RNF217: variants seen among roughly 807,000 people sequenced by gnomAD.
The protein encoded by RNF217 is E3 ubiquitin-protein ligase RNF217.
RNF217 carries 31 observed loss-of-function variants against 57.8 expected under a neutral mutation model. That is an observed-to-expected ratio of 0.54 (90% confidence interval 0.40 to 0.72). RNF217 has a LOEUF of 0.72. Among genes scored for constraint, RNF217 ranks in the 30% least tolerant of loss-of-function variants. The pLI, the probability that RNF217 is intolerant of heterozygous loss-of-function variation, is 0.00. For synonymous variants in RNF217, 313 were observed against 294.0 expected, an observed-to-expected ratio of 1.06 and a Z score of -0.66; for missense variants, 696 against 708.3, an observed-to-expected ratio of 0.98 and a Z score of 0.20.
chr6:125,081,054 C>T (rs1208129325), intron 4 of RNF217, among the ~76,000 whole-genome samples: 1 of 152,050 alleles, frequency 6.6e-6, no homozygotes, highest in Non-Finnish European at 1.5e-5. Context: ...AGATTTTCTC[C>T]TACCAACTCA....
At chr6:124,982,819 A>G (rs750723569) in intron 1 of RNF217, among the ~76,000 whole-genome samples, 18 of 152,220 alleles carry the variant, frequency 1.2e-4, no homozygotes, top group Non-Finnish European at 1.8e-4. Context: ...TGATGACTTT[A>G]TGGTATGTGA....
At chr6:124,993,002 G>T (rs893775894) in intron 1 of RNF217, among the ~76,000 whole-genome samples, 3 of 152,104 alleles carry the variant, frequency 2.0e-5, no homozygotes, top group African/African-American at 7.2e-5. Flanking sequence ...TATAGACTGA[G>T]AAACAACTGT....
intron 1 of RNF217, among the ~76,000 whole-genome samples, chr6:124,998,565 C>T (rs905548764): frequency 2.0e-5 from 3 of 152,242 alleles, no homozygotes; most frequent in Middle Eastern, 3.4e-3. Context: ...TTTGGGAGGC[C>T]AAGGTGGGCG....
chr6:125,071,532 G>C (rs62433883), intron 3 of RNF217, among the ~76,000 whole-genome samples: 1 of 134,244 alleles, frequency 7.4e-6, no homozygotes, highest in Non-Finnish European at 1.6e-5. Context: ...GTGTGTGTGT[G>C]TGTGTATATC....
chr6:125,010,131 A>T (rs1785362570), intron 1 of RNF217, among the ~76,000 whole-genome samples: 1 of 151,594 alleles, frequency 6.6e-6, no homozygotes, highest in Admixed American at 6.6e-5. Context: ...GATCCATTTC[A>T]TGTAACTGAA....
chr6:125,066,404 C>T (rs529332712), intron 3 of RNF217, among the ~76,000 whole-genome samples: 83 of 152,280 alleles, frequency 5.5e-4, no homozygotes, highest in African/African-American at 1.9e-3. Flanking sequence ...ATCTTTCCTT[C>T]CTTCACCCTG....
At chr6:125,066,385 T>A (rs1787939294) in intron 3 of RNF217, among the ~76,000 whole-genome samples, 1 of 152,152 alleles carries the variant, frequency 6.6e-6, no homozygotes, top group Non-Finnish European at 1.5e-5. Flanking sequence ...CTGTGACTCC[T>A]CTAGTCATAT....
chr6:125,083,047 C>A lies in RNF217; in HGVS notation c.*110C>A. 1 of 676,574 alleles carries A rather than the reference C, an allele frequency of 1.5e-6. No homozygotes were observed. 41.9% of individuals were successfully genotyped at this position (676,574 alleles called of 1,614,324 possible). ...AACACTGAGAGGAACCTTCTACCAT[C>A]TCATCTCCCAGTGATTCTCCGTGGG... On this transcript the variant is annotated 3_prime_UTR_variant, in exon 6 of 6. Transcript: ENST00000521654.
At position 125,089,251 on chromosome 6, in the gene RNF217, C is replaced by A. The variant is rs556441723; in HGVS notation, c.*6314C>A. On this transcript the variant is annotated 3_prime_UTR_variant, in exon 6 of 6. Coordinates refer to ENST00000521654, the MANE Select transcript of RNF217 (RefSeq NM_001286398.3). ...GTCTAAAACCAAGCTTCAGAAATTG[C>A]TTCGTGACTGTTGTAAGATCAATAT... The A allele has an allele frequency of 4.6e-5, 7 of 152,144 alleles. No individual in the cohort carries two copies. The highest frequency in any genetic ancestry group is 8.8e-5 in the Non-Finnish European group (6 of 68,018). The allele number at this position is 152,144 out of a possible 1,614,324, so 9.4% of individuals were successfully genotyped here.
chr6:125,036,723 CAAAA>C (rs1786638504), intron 1 of RNF217, among the ~76,000 whole-genome samples: 1 of 151,888 alleles, frequency 6.6e-6, no homozygotes, highest in Non-Finnish European at 1.5e-5. Context: ...AGACACTTCT[CAAAA>C]GAAAACATTT....
rs546884964 is a variant in RNF217, at chr6:125,047,342, G to A, written c.1116+1898G>A. Among the ~76,000 whole-genome samples the A allele has an allele frequency of 2.1e-4, 32 of 152,072 alleles. 1 individual carries two copies. The South Asian group carries it at 2.7e-3, about 13-fold the overall frequency. On this transcript the variant is annotated intron_variant, in intron 2 of 5. Transcript: ENST00000521654. ...TTATGGCAATAGTGAAATGTTTTAC[G>A]TCTCATTTCATCTGAAATCACCAAA... is the stretch of plus-strand genomic sequence containing the variant.
In RNF217 at chr6:125,047,279, T is replaced by C. The variant is rs530130492; in HGVS notation, c.1116+1835T>C. On this transcript the variant is annotated intron_variant, in intron 2 of 5. Transcript: ENST00000521654. ...TGAGTAACTTTTAAATGTGTTGTTT[T>C]TATGAAATGGGTAAAGGAGTTATAA... 1.2e-3 allele frequency among the ~76,000 whole-genome samples: 187 copies of C among 152,202 alleles called. 1 individual carries two copies. The highest frequency in any genetic ancestry group is 2.3e-3 in the South Asian group (11 of 4,820).
chr6:125,087,984 C>T lies in RNF217; in HGVS notation c.*5047C>T, dbSNP rs1189550372. 6.7e-6 allele frequency: 1 copy of T among 149,434 alleles called. No homozygotes were observed. The highest frequency in any genetic ancestry group is 1.9e-4 in the East Asian group (1 of 5,164). The allele number at this position is 149,434 out of a possible 1,614,324, so 9.3% of individuals were successfully genotyped here. A position where few individuals can be genotyped will look rare whatever the true frequency, so the allele number is the denominator to read the frequency against. On this transcript the variant is annotated 3_prime_UTR_variant, in exon 6 of 6. Transcript: ENST00000521654. The stretch of plus-strand genomic sequence containing the variant: ...GTTATAATTTAATTATGATACTGTC[C>T]CCCTAATATGGAAAATAAGTTACAA...
Position 125,045,294 on chromosome 6 carries a change from A to G in RNF217, c.966A>G (p.Leu322=), listed in dbSNP as rs758643139. ...AAGAAACAACTGTTGTCTATAACTT[A>G]ACGCATGAAGACTCCATCAAGTATA... ...FLEETTVVYN[L]THEDSIKYKY... The change falls in exon 2 of 6, where the codon TTA becomes TTG. Residue 322 remains leucine, a synonymous_variant. Transcript: ENST00000521654. The G allele has an allele frequency of 2.5e-6, 4 of 1,613,312 alleles. No individual in the cohort carries two copies. In the East Asian group the frequency reaches 8.9e-5, roughly 36 times the overall value.
At chr6:125,007,038 A>G (rs1326961725) in intron 1 of RNF217, among the ~76,000 whole-genome samples, 1 of 152,260 alleles carries the variant, frequency 6.6e-6, no homozygotes, top group African/African-American at 2.4e-5. Flanking sequence ...ATTATTAAGT[A>G]TGTAAATAAA....
intron 1 of RNF217, among the ~76,000 whole-genome samples, chr6:125,007,156 C>T (rs1274513613): frequency 2.0e-5 from 3 of 151,950 alleles, no homozygotes; most frequent in African/African-American, 7.3e-5. Context: ...AATGAATGTG[C>T]TTCTTATCTA....
intron 1 of RNF217, among the ~76,000 whole-genome samples, chr6:125,030,576 G>A (rs1786311337): frequency 6.6e-6 from 1 of 152,182 alleles, no homozygotes; most frequent in Non-Finnish European, 1.5e-5. Flanking sequence ...AATCCAGTAG[G>A]GCAGTCCAAT....
chr6:125,035,099 A>T lies in RNF217; in HGVS notation c.883-10112A>T, dbSNP rs544064326. 4.3e-3 allele frequency among the ~76,000 whole-genome samples: 651 copies of T among 152,200 alleles called. 9 individuals carry two copies. The highest frequency in any genetic ancestry group is 0.013 in the African/African-American group (537 of 41,502). Reference sequence around the variant, plus strand: ...TTATCAGCTTAAGGAGATTTTGGGCAGAGACAATGGGGTTTTCTAGATATA... The same window carrying T: ...TTATCAGCTTAAGGAGATTTTGGGCTGAGACAATGGGGTTTTCTAGATATA... On this transcript the variant is annotated intron_variant, in intron 1 of 5. Transcript: ENST00000521654.
In RNF217 at chr6:125,069,287, T is replaced by C. The variant is rs114449532; in HGVS notation, c.1282-7370T>C. On this transcript the variant is annotated intron_variant, in intron 3 of 5. Transcript: ENST00000521654. ...TAATTTTGAAATCAGCATCTATTTA[T>C]TTTTGCAGCATAGTCTACTGTGATA... is the stretch of plus-strand genomic sequence containing the variant. Among the ~76,000 whole-genome samples the C allele has an allele frequency of 2.8e-3, 421 of 152,270 alleles. 3 individuals carry two copies. The highest frequency in any genetic ancestry group is 9.7e-3 in the African/African-American group (403 of 41,564).
Sources: allele counts gnomAD v4.1 joint callset (sites outside exome capture counted in the v4.1 genomes callset), GRCh38; gene constraint gnomAD v4.1.1; transcripts MANE v1.5; gene names NCBI Gene and HGNC (gene_info 2026-07-23, HGNC 2026-07-21).